The following KCND2 variants were observed in gnomAD, a reference collection of about 807,000 sequenced individuals.
KCND2 encodes the protein A-type voltage-gated potassium channel KCND2.
A neutral mutation model predicts 54.4 loss-of-function variants in KCND2; 16 were observed. That is an observed-to-expected ratio of 0.29 (90% CI 0.20 to 0.45). The LOEUF (loss-of-function observed/expected upper bound fraction) is 0.45. Ranked by LOEUF, KCND2 falls within the 20% of genes least tolerant of loss-of-function variation. The probability of loss-of-function intolerance (pLI) is 1.00; values close to 1 mark genes in which losing one functional copy is unlikely to be tolerated. For missense variants in KCND2, 486 were observed against 824.2 expected (o/e 0.59, Z 5.02); for synonymous variants, 317 against 310.7 (o/e 1.02, Z -0.21).
At chr7:120,471,521 A>G (rs372472495) in intron 1 of KCND2, among the ~76,000 whole-genome samples, 1 of 152,152 alleles carries the variant, frequency 6.6e-6, no homozygotes, top group African/African-American at 2.4e-5. Context: ...CAGGCAAGGT[A>G]TATACCTTTT....
intron 1 of KCND2, among the ~76,000 whole-genome samples, chr7:120,327,654 CTG>C (rs1466770032): frequency 1.3e-5 from 2 of 152,006 alleles, no homozygotes; most frequent in African/African-American, 2.4e-5. Context: ...TTATTCAACT[CTG>C]TTTCATCAGG....
chr7:120,631,730 G>A (rs920935420), intron 1 of KCND2, among the ~76,000 whole-genome samples: 2 of 152,012 alleles, frequency 1.3e-5, no homozygotes, highest in Admixed American at 6.6e-5. Flanking sequence ...AATTTTATAT[G>A]TACATAATTT....
chr7:120,309,474 T>TATATACAC (rs1257702636), intron 1 of KCND2, among the ~76,000 whole-genome samples: 8 of 113,274 alleles, frequency 7.1e-5, no homozygotes, highest in African/African-American at 2.7e-4. Flanking sequence ...TATATATATA[T>TATATACAC]ACACACACAC....
intron 1 of KCND2, among the ~76,000 whole-genome samples, chr7:120,355,377 T>G (rs912413773): frequency 2.6e-5 from 4 of 152,186 alleles, no homozygotes; most frequent in African/African-American, 9.6e-5. Flanking sequence ...TGAAACCCCA[T>G]CTCTACTAAA....
At chr7:120,612,295 C>T (rs899877261) in intron 1 of KCND2, among the ~76,000 whole-genome samples, 2 of 152,172 alleles carry the variant, frequency 1.3e-5, no homozygotes, top group South Asian at 2.1e-4. Context: ...TTATAGTTCA[C>T]GAAACAAAGA....
chr7:120,635,287 C>T (rs1466194646), intron 1 of KCND2, among the ~76,000 whole-genome samples: 1 of 152,148 alleles, frequency 6.6e-6, no homozygotes, highest in African/African-American at 2.4e-5. Flanking sequence ...AATAACAATA[C>T]TAAGCATTCA....
At chr7:120,697,895 C>T (rs1237240759) in intron 1 of KCND2, among the ~76,000 whole-genome samples, 4 of 151,974 alleles carry the variant, frequency 2.6e-5, no homozygotes, top group South Asian at 4.1e-4. Context: ...GTCACCCAAT[C>T]GTGGTCATAG....
At chr7:120,546,221 T>C (rs1038073888) in intron 1 of KCND2, among the ~76,000 whole-genome samples, 1 of 151,922 alleles carries the variant, frequency 6.6e-6, no homozygotes, top group Non-Finnish European at 1.5e-5. Context: ...AATGTATTAA[T>C]GGGTCTCAAT....
chr7:120,396,290 A>G (rs1487182683), intron 1 of KCND2, among the ~76,000 whole-genome samples: 1 of 151,990 alleles, frequency 6.6e-6, no homozygotes, highest in African/African-American at 2.4e-5. Context: ...ACAATATGTG[A>G]GACTCTGTAG....
intron 1 of KCND2, among the ~76,000 whole-genome samples, chr7:120,618,235 T>A (rs544624503): frequency 2.8e-4 from 42 of 152,282 alleles, no homozygotes; most frequent in Non-Finnish European, 5.1e-4. Context: ...TCCAAATAAG[T>A]GAAATGAGTC....
chr7:120,726,498 G>A (rs1243127311), intron 1 of KCND2, among the ~76,000 whole-genome samples: 2 of 152,158 alleles, frequency 1.3e-5, no homozygotes, highest in East Asian at 3.8e-4. Context: ...CAGCTTCCAG[G>A]TCAGAAGAAA....
chr7:120,568,129 C>T (rs1792320434), intron 1 of KCND2, among the ~76,000 whole-genome samples: 1 of 151,796 alleles, frequency 6.6e-6, no homozygotes, highest in South Asian at 2.1e-4. Flanking sequence ...AATAGAGGAA[C>T]TACATTTAAT....
intron 1 of KCND2, among the ~76,000 whole-genome samples, chr7:120,342,056 T>C (rs907704902): frequency 2.6e-5 from 4 of 152,118 alleles, no homozygotes; most frequent in Non-Finnish European, 5.9e-5. Context: ...ATGAAATCTA[T>C]TTGACTCATG....
chr7:120,569,980 A>T (rs1002527173), intron 1 of KCND2, among the ~76,000 whole-genome samples: 2 of 152,158 alleles, frequency 1.3e-5, no homozygotes, highest in Admixed American at 6.5e-5. Flanking sequence ...AAAACAAAAA[A>T]ACACTGAAGC....
chr7:120,582,687 A>G (rs6466750), intron 1 of KCND2, among the ~76,000 whole-genome samples: 2 of 152,130 alleles, frequency 1.3e-5, no homozygotes, highest in African/African-American at 4.8e-5. Context: ...AACAATTATA[A>G]AAAAATATAT....
At chr7:120,284,497 A>T (rs562893622) in intron 1 of KCND2, among the ~76,000 whole-genome samples, 9 of 152,264 alleles carry the variant, frequency 5.9e-5, no homozygotes, top group African/African-American at 2.2e-4. Flanking sequence ...TATTCTTCTT[A>T]AATTAGATCA....
chr7:120,714,876 C>A (rs996807739), intron 1 of KCND2, among the ~76,000 whole-genome samples: 2 of 150,018 alleles, frequency 1.3e-5, no homozygotes, highest in African/African-American at 4.9e-5. Context: ...ATATATAATA[C>A]CCACACACAC....
chr7:120,334,325 G>A (rs1037016496), intron 1 of KCND2, among the ~76,000 whole-genome samples: 4 of 152,276 alleles, frequency 2.6e-5, no homozygotes, highest in South Asian at 2.1e-4. Flanking sequence ...AACACAACTC[G>A]ATGATGGTTA....
At chr7:120,747,581 T>G in intron 5 of KCND2, 100 bp from the exon 6 acceptor site, 2 of 805,202 alleles carry the variant, frequency 2.5e-6, no homozygotes, top group Non-Finnish European at 2.0e-6. Flanking sequence ...CCTTAGACAA[T>G]TAAAATATTT....
Sources: allele counts gnomAD v4.1 joint callset (sites outside exome capture counted in the v4.1 genomes callset), GRCh38; gene constraint gnomAD v4.1.1; transcripts MANE v1.5; gene names NCBI Gene and HGNC (gene_info 2026-07-23, HGNC 2026-07-21).